The following LSAMP variants were observed in gnomAD, a reference collection of about 807,000 sequenced individuals.
The protein encoded by LSAMP is limbic system associated membrane protein, also known as limbic system-associated membrane protein.
LSAMP carries 7 observed loss-of-function variants against 38.6 expected under a neutral mutation model. The ratio of observed to expected loss-of-function variants is 0.18; its 90% confidence interval spans 0.10 to 0.34. LSAMP has a LOEUF of 0.34. Among genes scored for constraint, LSAMP ranks in the 10% least tolerant of loss-of-function variants. The pLI is 1.00. For missense variants in LSAMP, 313 were observed against 420.0 expected (o/e 0.75, Z 2.23); for synonymous variants, 154 against 166.8 (o/e 0.92, Z 0.59).
chr3:115,981,303 T>A (rs1444478498), intron 3 of LSAMP, among the ~76,000 whole-genome samples: 1 of 152,138 alleles, frequency 6.6e-6, no homozygotes, highest in Non-Finnish European at 1.5e-5. Flanking sequence ...TATTTCTCAG[T>A]CAAGTCCTTA....
chr3:116,172,352 C>CT lies in LSAMP; in HGVS notation c.156-85797dup, dbSNP rs200181227. ...TCAATTTCATTATTTTAAGGCTTTC[C>CT]TTTTTTTTTTTTTTACTTGAAAGCT... On this transcript the variant is annotated intron_variant, in intron 1 of 6. Coordinates refer to ENST00000490035, the MANE Select transcript of LSAMP (RefSeq NM_002338.5). Among the ~76,000 whole-genome samples the CT allele has an allele frequency of 8.4e-3, 1,194 of 142,864 alleles. 11 individuals carry two copies. Among genetic ancestry groups the CT allele is most frequent in the Middle Eastern group, 0.022 (6 of 268 alleles). 93.7% of individuals were successfully genotyped at this position (142,864 alleles called of 152,430 possible). A position where few individuals can be genotyped will look rare whatever the true frequency, so the allele number is the denominator to read the frequency against.
intron 3 of LSAMP, among the ~76,000 whole-genome samples, chr3:115,939,284 A>G (rs1937813889): frequency 6.6e-6 from 1 of 152,170 alleles, no homozygotes; most frequent in South Asian, 2.1e-4. Context: ...GGGAAAATAT[A>G]TAACCTGAAG....
At chr3:115,893,864 C>T (rs191255565) in intron 3 of LSAMP, among the ~76,000 whole-genome samples, 45 of 152,078 alleles carry the variant, frequency 3.0e-4, no homozygotes, top group African/African-American at 9.9e-4. Flanking sequence ...TCAGGTACCA[C>T]AGAATCGAGA....
intron 2 of LSAMP, among the ~76,000 whole-genome samples, chr3:116,081,285 A>C (rs1178911766): frequency 6.6e-6 from 1 of 152,052 alleles, no homozygotes; most frequent in Non-Finnish European, 1.5e-5. Flanking sequence ...AACATGATGA[A>C]ACCTCATCTC....
At chr3:116,328,957 C>A (rs1453049557) in intron 1 of LSAMP, among the ~76,000 whole-genome samples, 2 of 151,948 alleles carry the variant, frequency 1.3e-5, no homozygotes, top group Non-Finnish European at 2.9e-5. Context: ...ATTTACAGAT[C>A]TTTTTGGTAT....
intron 3 of LSAMP, among the ~76,000 whole-genome samples, chr3:116,019,139 T>A (rs552281673): frequency 1.6e-5 from 2 of 121,222 alleles, no homozygotes; most frequent in East Asian, 5.4e-4. Flanking sequence ...AATGCTTCTG[T>A]ATTTGTTGCA....
intron 1 of LSAMP, among the ~76,000 whole-genome samples, chr3:116,220,295 A>C (rs2046266977): frequency 6.7e-6 from 1 of 149,540 alleles, no homozygotes; most frequent in African/African-American, 2.5e-5. Context: ...TGGAGAAACT[A>C]TAACTACATT....
chr3:116,081,168 A>C (rs1707862130), intron 2 of LSAMP, among the ~76,000 whole-genome samples: 1 of 152,170 alleles, frequency 6.6e-6, no homozygotes, highest in African/African-American at 2.4e-5. Flanking sequence ...CTAATCACTA[A>C]AAATGTAAAT....
chr3:116,133,356 T>C (rs1323949064), intron 1 of LSAMP, among the ~76,000 whole-genome samples: 1 of 152,096 alleles, frequency 6.6e-6, no homozygotes, highest in African/African-American at 2.4e-5. Context: ...AGTGGCGTGA[T>C]CACAGCTCAC....
intron 3 of LSAMP, among the ~76,000 whole-genome samples, chr3:115,862,305 A>T (rs1201763185): frequency 6.6e-6 from 1 of 152,212 alleles, no homozygotes; most frequent in African/African-American, 2.4e-5. Context: ...TTAGTAAGTG[A>T]ATGTGTTAAA....
chr3:116,060,846 A>G (rs1941581769), intron 2 of LSAMP, among the ~76,000 whole-genome samples: 2 of 152,210 alleles, frequency 1.3e-5, no homozygotes, highest in South Asian at 4.1e-4. Flanking sequence ...TGCACCTACA[A>G]TACCTGAGGA....
intron 1 of LSAMP, among the ~76,000 whole-genome samples, chr3:116,359,025 C>T (rs1286343380): frequency 6.6e-6 from 1 of 152,144 alleles, no homozygotes; most frequent in East Asian, 1.9e-4. Flanking sequence ...TCATACTAAA[C>T]TACACTAAAC....
At chr3:115,838,241 CACTT>C (rs1269299645) in intron 6 of LSAMP, 46 of 152,264 alleles carry the variant, frequency 3.0e-4, no homozygotes, top group African/African-American at 1.1e-3. Context: ...ACATTGCACT[CACTT>C]AATAAGAAGT....
intron 3 of LSAMP, among the ~76,000 whole-genome samples, chr3:115,930,236 A>G (rs1937560543): frequency 6.6e-6 from 1 of 152,026 alleles, no homozygotes; most frequent in South Asian, 2.1e-4. Context: ...ACAAAATTAC[A>G]GATTTATTTT....
intron 3 of LSAMP, among the ~76,000 whole-genome samples, chr3:115,868,246 G>C (rs769038314): frequency 6.6e-6 from 1 of 152,078 alleles, no homozygotes; most frequent in Non-Finnish European, 1.5e-5. Context: ...TGCTGGCTAC[G>C]TATTAAACTT....
chr3:115,854,892 G>A (rs1478693329), intron 3 of LSAMP, among the ~76,000 whole-genome samples: 1 of 152,174 alleles, frequency 6.6e-6, no homozygotes, highest in African/African-American at 2.4e-5. Context: ...AGGTAGAATA[G>A]AAAGTAAGAT....
chr3:115,914,481 T>C (rs1937204145), intron 3 of LSAMP, among the ~76,000 whole-genome samples: 1 of 152,218 alleles, frequency 6.6e-6, no homozygotes, highest in Non-Finnish European at 1.5e-5. Context: ...CTGACTGTGC[T>C]TTCCACCCAG....
chr3:116,316,164 A>T (rs988719810), intron 1 of LSAMP, among the ~76,000 whole-genome samples: 1 of 152,202 alleles, frequency 6.6e-6, no homozygotes. Context: ...CCTTGACGAT[A>T]AGTTGAAATG....
At chr3:115,905,218 T>A (rs1253341966) in intron 3 of LSAMP, among the ~76,000 whole-genome samples, 4 of 152,052 alleles carry the variant, frequency 2.6e-5, no homozygotes, top group Non-Finnish European at 5.9e-5. Flanking sequence ...TAAGTCAGAG[T>A]CTGTCTCTAT....
Sources: allele counts gnomAD v4.1 joint callset (sites outside exome capture counted in the v4.1 genomes callset), GRCh38; gene constraint gnomAD v4.1.1; transcripts MANE v1.5; gene names NCBI Gene and HGNC (gene_info 2026-07-23, HGNC 2026-07-21).